Variants in FSTL4 observed in about 807,000 individuals in gnomAD.
The protein encoded by FSTL4 is follistatin like 4.
Under a neutral mutation model 78.2 loss-of-function variants are expected in FSTL4, and 28 were observed. The observed-to-expected ratio is 0.36, with a 90% CI of 0.27 to 0.49. The LOEUF is 0.49. Ranked by LOEUF, FSTL4 falls within the 20% of genes least tolerant of loss-of-function variation. The pLI is 0.98. For synonymous variants in FSTL4, 422 were observed against 440.5 expected (o/e 0.96, Z 0.53); for missense variants, 922 against 1,084.9 (o/e 0.85, Z 2.11).
chr5:133,201,659 A>C (rs772821310), intron 15 of FSTL4, among the ~76,000 whole-genome samples: 13 of 152,066 alleles, frequency 8.5e-5, no homozygotes, highest in Non-Finnish European at 1.5e-4. Flanking sequence ...TGCTGTCTTT[A>C]CCTTAAGGAT....
intron 13 of FSTL4, among the ~76,000 whole-genome samples, chr5:133,212,269 C>T (rs571288449): frequency 6.6e-6 from 1 of 152,324 alleles, no homozygotes; most frequent in East Asian, 1.9e-4. Context: ...AACCTTCTCC[C>T]ATTGGATTTC....
At chr5:133,779,753 A>G in the FSTL4 span, among the ~76,000 whole-genome samples, 1 of 152,112 alleles carries the variant, frequency 6.6e-6, no homozygotes, top group African/African-American at 2.4e-5. Flanking sequence ...CCTCGGCTCT[A>G]TCCCACCTCC....
At chr5:133,382,752 A>C (rs185275113) in intron 4 of FSTL4, among the ~76,000 whole-genome samples, 1 of 152,330 alleles carries the variant, frequency 6.6e-6, no homozygotes, top group East Asian at 1.9e-4. Context: ...AGTAGCTTGC[A>C]CCATGTAATA....
At chr5:133,245,099 G>A (rs573050818) in intron 7 of FSTL4, among the ~76,000 whole-genome samples, 65 of 146,264 alleles carry the variant, frequency 4.4e-4, no homozygotes, top group Middle Eastern at 3.5e-3. Flanking sequence ...CAGTCTGGGT[G>A]ACAGAGAGAG....
At chr5:133,266,740 G>C (rs1428877585) in intron 6 of FSTL4, 1 of 152,348 alleles carries the variant, frequency 6.6e-6, no homozygotes, top group Non-Finnish European at 1.5e-5. Context: ...CTGGGAGCCA[G>C]GAAAGCTGGA....
At chr5:133,437,300 C>A (rs1360019076) in intron 3 of FSTL4, among the ~76,000 whole-genome samples, 3 of 152,164 alleles carry the variant, frequency 2.0e-5, no homozygotes, top group East Asian at 3.9e-4. Context: ...AAGTAGGAGC[C>A]GTCAGTGACA....
chr5:133,715,699 T>C, the FSTL4 span, among the ~76,000 whole-genome samples: 3 of 152,186 alleles, frequency 2.0e-5, no homozygotes, highest in Non-Finnish European at 4.4e-5. Flanking sequence ...CCCTGTTTGA[T>C]TTTGCTCAAT....
intron 2 of FSTL4, among the ~76,000 whole-genome samples, chr5:133,581,219 A>T (rs256258): frequency 0.38 from 57,642 of 152,082 alleles, 11,193 homozygotes; most frequent in South Asian, 0.49. Flanking sequence ...CTTTTACAAC[A>T]GAGTCAAAAG....
At chr5:133,724,774 T>G in the FSTL4 span, among the ~76,000 whole-genome samples, 2 of 152,210 alleles carry the variant, frequency 1.3e-5, no homozygotes, top group Non-Finnish European at 2.9e-5. Flanking sequence ...GGTTTTTGTG[T>G]CCTAAGAATC....
At chr5:133,677,073 A>G in the FSTL4 span, among the ~76,000 whole-genome samples, 2 of 152,254 alleles carry the variant, frequency 1.3e-5, no homozygotes, top group Non-Finnish European at 2.9e-5. Flanking sequence ...ATTCGTGCTC[A>G]CACAAATTTA....
chr5:133,258,695 C>T (rs903238593), intron 6 of FSTL4, among the ~76,000 whole-genome samples: 4 of 152,174 alleles, frequency 2.6e-5, no homozygotes, highest in Admixed American at 1.3e-4. Flanking sequence ...AGCTGCCTGA[C>T]CCCATCGGAC....
the FSTL4 span, among the ~76,000 whole-genome samples, chr5:133,655,799 G>A: frequency 2.0e-5 from 3 of 152,188 alleles, no homozygotes; most frequent in Admixed American, 1.3e-4. Context: ...TGTTTATGGA[G>A]TGCTTACCTC....
At chr5:133,638,883 T>C in the FSTL4 span, among the ~76,000 whole-genome samples, 1 of 152,128 alleles carries the variant, frequency 6.6e-6, no homozygotes, top group Non-Finnish European at 1.5e-5. Context: ...ATAGCTTAGC[T>C]CCTGTCATTA....
the FSTL4 span, among the ~76,000 whole-genome samples, chr5:133,746,720 G>A: frequency 2.0e-5 from 3 of 152,074 alleles, no homozygotes; most frequent in African/African-American, 4.8e-5. Flanking sequence ...CAAAAAAAGC[G>A]ATTCCATTTT....
the FSTL4 span, among the ~76,000 whole-genome samples, chr5:133,722,663 T>C: frequency 1.3e-5 from 2 of 152,222 alleles, no homozygotes; most frequent in Non-Finnish European, 2.9e-5. Context: ...TTTTCCTTGC[T>C]TTTTCTTATT....
intron 3 of FSTL4, among the ~76,000 whole-genome samples, chr5:133,458,648 T>C (rs1410257606): frequency 6.6e-6 from 1 of 152,246 alleles, no homozygotes; most frequent in Non-Finnish European, 1.5e-5. Context: ...ATCTGTGGAC[T>C]GGGGATGGCC....
the FSTL4 span, among the ~76,000 whole-genome samples, chr5:133,702,559 G>A: frequency 6.6e-6 from 1 of 152,138 alleles, no homozygotes; most frequent in African/African-American, 2.4e-5. Flanking sequence ...CAGGAATACA[G>A]GGCCCATCCT....
chr5:133,634,645 G>A, the FSTL4 span, among the ~76,000 whole-genome samples: 1 of 152,186 alleles, frequency 6.6e-6, no homozygotes, highest in Non-Finnish European at 1.5e-5. Context: ...CATCCTAGAA[G>A]TGAAAGTTCA....
the FSTL4 span, among the ~76,000 whole-genome samples, chr5:133,754,153 A>G: frequency 3.9e-5 from 6 of 152,226 alleles, no homozygotes; most frequent in African/African-American, 1.4e-4. Context: ...TTACAATTCA[A>G]TCATCCAACT....
Sources: gnomAD v4.1 joint callset for allele counts (sites outside exome capture counted in the v4.1 genomes callset) on GRCh38, gnomAD v4.1.1 for gene constraint, MANE v1.5 for transcripts, NCBI Gene and HGNC (gene_info 2026-07-23, HGNC 2026-07-21) for gene names.